The following DLG2 variants were observed in gnomAD, a reference collection of about 807,000 sequenced individuals.
DLG2 encodes disks large homolog 2.
A neutral mutation model predicts 132.5 loss-of-function variants in DLG2; 45 were observed. The observed-to-expected ratio is 0.34, with a 90% CI of 0.27 to 0.44. The LOEUF (loss-of-function observed/expected upper bound fraction) is 0.44. DLG2 is among the 20% of genes least tolerant of loss of function. DLG2 has a pLI of 1.00. For synonymous variants in DLG2, 424 were observed against 419.6 expected, an observed-to-expected ratio of 1.01 and a Z score of -0.13; for missense variants, 1,045 against 1,196.9, an observed-to-expected ratio of 0.87 and a Z score of 1.87.
chr11:84,194,892 G>A (rs577944624), intron 8 of DLG2, among the ~76,000 whole-genome samples: 293 of 152,262 alleles, frequency 1.9e-3, no homozygotes, highest in South Asian at 8.1e-3. Flanking sequence ...TGCTCCAAGC[G>A]CGGGGCCTAT....
intron 3 of DLG2, among the ~76,000 whole-genome samples, chr11:85,424,854 G>T (rs1051153650): frequency 2.0e-5 from 3 of 152,070 alleles, no homozygotes; most frequent in Non-Finnish European, 4.4e-5. Flanking sequence ...ACCAAACACT[G>T]GATCTCCCAG....
At chr11:84,277,149 A>C (rs1217104347) in intron 7 of DLG2, among the ~76,000 whole-genome samples, 2 of 152,212 alleles carry the variant, frequency 1.3e-5, no homozygotes, top group African/African-American at 2.4e-5. Flanking sequence ...AGATATCAAC[A>C]CCTTTAAATA....
At chr11:85,175,918 G>A (rs1383804219) in intron 4 of DLG2, among the ~76,000 whole-genome samples, 1 of 151,990 alleles carries the variant, frequency 6.6e-6, no homozygotes, top group Non-Finnish European at 1.5e-5. Context: ...GAAGTGAAGA[G>A]CTTCTTCAAG....
In DLG2 at chr11:85,296,093, T is replaced by C. The variant is rs186525400; in HGVS notation, c.41-10728A>G. On this transcript the variant is annotated intron_variant, in intron 3 of 27. Transcript: ENST00000376104. The stretch of plus-strand genomic sequence containing the variant: ...TAGTTACGCAATAATATTGTAACAA[T>C]TTTTTCCAGAGGATAAGAACTAACT... Among the ~76,000 whole-genome samples the C allele has an allele frequency of 4.2e-3, 632 of 152,208 alleles. 3 individuals are homozygous for C. The highest frequency in any genetic ancestry group is 7.0e-3 in the Non-Finnish European group (475 of 67,986).
At chr11:83,904,666 T>A (rs538208026) in intron 15 of DLG2, among the ~76,000 whole-genome samples, 148 of 152,262 alleles carry the variant, frequency 9.7e-4, no homozygotes, top group African/African-American at 3.3e-3. Flanking sequence ...TTACTTTTTT[T>A]TTTTAACCAT....
intron 19 of DLG2, among the ~76,000 whole-genome samples, chr11:83,572,679 C>G (rs1475081633): frequency 6.6e-6 from 1 of 152,174 alleles, no homozygotes; most frequent in Non-Finnish European, 1.5e-5. Context: ...ATGCCTTTTA[C>G]CATGCATAAT....
chr11:85,390,558 A>ATTTAG (rs1397248030), intron 3 of DLG2, among the ~76,000 whole-genome samples: 2 of 151,782 alleles, frequency 1.3e-5, no homozygotes, highest in African/African-American at 4.8e-5. Context: ...AGTCTCAACA[A>ATTTAG]ATTTAAGAAA....
At chr11:85,288,402 G>A (rs1212777210) in intron 3 of DLG2, among the ~76,000 whole-genome samples, 13 of 151,884 alleles carry the variant, frequency 8.6e-5, no homozygotes, top group Admixed American at 7.9e-4. Flanking sequence ...GGGCTGGTAG[G>A]TTACTAATTG....
intron 7 of DLG2, among the ~76,000 whole-genome samples, chr11:84,390,240 C>T (rs11234007): frequency 0.058 from 8,860 of 152,188 alleles, 278 homozygotes; most frequent in African/African-American, 0.074. Flanking sequence ...AGGAATACTA[C>T]GGTAACATAA....
intron 2 of DLG2, among the ~76,000 whole-genome samples, chr11:85,609,087 A>G (rs1306930620): frequency 6.6e-6 from 1 of 152,182 alleles, no homozygotes; most frequent in Admixed American, 6.5e-5. Context: ...CCTGTGTTCT[A>G]GAAGGACTAA....
intron 6 of DLG2, among the ~76,000 whole-genome samples, chr11:84,637,356 T>C (rs1014103659): frequency 6.6e-6 from 1 of 152,208 alleles, no homozygotes; most frequent in Non-Finnish European, 1.5e-5. Context: ...TTGTTTATAT[T>C]GAACTGAATG....
At chr11:85,041,575 T>C (rs369426334) in intron 6 of DLG2, among the ~76,000 whole-genome samples, 1 of 151,840 alleles carries the variant, frequency 6.6e-6, no homozygotes, top group Non-Finnish European at 1.5e-5. Flanking sequence ...GGCTTCCACA[T>C]AGAAAATGTT....
chr11:85,029,731 C>T (rs1387219449), intron 6 of DLG2, among the ~76,000 whole-genome samples: 1 of 152,186 alleles, frequency 6.6e-6, no homozygotes, highest in Non-Finnish European at 1.5e-5. Context: ...CCATAGCCTA[C>T]ACTTCTGCCA....
intron 6 of DLG2, among the ~76,000 whole-genome samples, chr11:85,014,546 T>C (rs1032276955): frequency 1.3e-5 from 2 of 152,184 alleles, no homozygotes; most frequent in African/African-American, 4.8e-5. Flanking sequence ...GTTACATGCA[T>C]CCCTTTCTCC....
At chr11:85,075,041 TAAATGCATG>T (rs756009958) in intron 6 of DLG2, among the ~76,000 whole-genome samples, 15 of 151,758 alleles carry the variant, frequency 9.9e-5, no homozygotes, top group Non-Finnish European at 2.1e-4. Flanking sequence ...CAACAGGCAA[TAAATGCATG>T]AGGATGTTCA....
chr11:84,517,024 T>TAAA (rs2099275442), intron 7 of DLG2, among the ~76,000 whole-genome samples: 1 of 782 alleles, frequency 1.3e-3, no homozygotes, highest in Non-Finnish European at 2.8e-3. Context: ...AAATAAAAAA[T>TAAA]AAATAAATAA....
At chr11:84,174,276 T>C (rs911513994) in intron 8 of DLG2, among the ~76,000 whole-genome samples, 2 of 152,080 alleles carry the variant, frequency 1.3e-5, no homozygotes, top group African/African-American at 4.8e-5. Flanking sequence ...TCTTCCCCTA[T>C]TGATTTTCAA....
At chr11:84,141,995 T>C (rs17146948) in intron 9 of DLG2, among the ~76,000 whole-genome samples, 3,456 of 152,178 alleles carry the variant, frequency 0.023, 99 homozygotes, top group East Asian at 0.14. Context: ...TCCATCTTTC[T>C]AGCTCCAGGT....
At chr11:83,766,964 G>A (rs2094170941) in intron 18 of DLG2, among the ~76,000 whole-genome samples, 1 of 152,076 alleles carries the variant, frequency 6.6e-6, no homozygotes, top group Non-Finnish European at 1.5e-5. Context: ...AGTCTTTCTC[G>A]GGCTGTCAAT....
Sources: allele counts gnomAD v4.1 joint callset (sites outside exome capture counted in the v4.1 genomes callset), GRCh38; gene constraint gnomAD v4.1.1; transcripts MANE v1.5; gene names NCBI Gene and HGNC (gene_info 2026-07-23, HGNC 2026-07-21).